TP53BP2: variants seen among roughly 807,000 people sequenced by gnomAD.
TP53BP2 encodes apoptosis-stimulating of p53 protein 2.
In TP53BP2, 62 loss-of-function variants were observed where a neutral mutation model predicts 126.2. That is an observed-to-expected ratio of 0.49 (90% CI 0.40 to 0.61). TP53BP2 has a LOEUF of 0.61. Ranked by LOEUF, TP53BP2 falls within the 20% of genes least tolerant of loss-of-function variation. TP53BP2 has a pLI of 0.00. For synonymous variants in TP53BP2, 485 were observed against 502.9 expected (o/e 0.96, Z 0.48); for missense variants, 1,215 against 1,402.8 (o/e 0.87, Z 2.14).
At chr1:223,820,513 G>A (rs1663262643) in intron 2 of TP53BP2, among the ~76,000 whole-genome samples, 1 of 152,162 alleles carries the variant, frequency 6.6e-6, no homozygotes, top group South Asian at 2.1e-4. Context: ...GTTAACCAAA[G>A]ATGAATAAAA....
chr1:223,811,410 G>A (rs149642698), intron 3 of TP53BP2, among the ~76,000 whole-genome samples: 118 of 152,168 alleles, frequency 7.8e-4, no homozygotes, highest in Middle Eastern at 3.4e-3. Context: ...AAATAAACAT[G>A]TCTACTCAGA....
chr1:223,845,510 C>G, intron 1 of TP53BP2, 144 bp downstream of exon 1: 2 of 953,248 alleles, frequency 2.1e-6, no homozygotes, highest in Non-Finnish European at 2.8e-6. Context: ...CTGAAACCCG[C>G]TCGAAGCTCG....
intron 9 of TP53BP2, among the ~76,000 whole-genome samples, chr1:223,801,167 C>T (rs1662513511): frequency 6.6e-6 from 1 of 152,172 alleles, no homozygotes; most frequent in Non-Finnish European, 1.5e-5. Flanking sequence ...ACATGCACAA[C>T]ACAAAAGTAA....
intron 3 of TP53BP2, among the ~76,000 whole-genome samples, chr1:223,811,791 C>T (rs1320706808): frequency 6.6e-6 from 1 of 152,182 alleles, no homozygotes; most frequent in Non-Finnish European, 1.5e-5. Flanking sequence ...GACTGAAAAA[C>T]AATCCTTGTT....
At position 223,806,955 on chromosome 1, in the gene TP53BP2, T is replaced by G; in HGVS notation, c.373-8A>C. On this transcript the variant is annotated splice_polypyrimidine_tract_variant and splice_region_variant and intron_variant, in intron 4 of 17. Transcript: ENST00000343537. Reference sequence around the variant, plus strand: ...CATCCTAGGACTATTAACCTACAAGTAAAAACACAAATAAACACAATCCCA... The same window carrying G: ...CATCCTAGGACTATTAACCTACAAGGAAAAACACAAATAAACACAATCCCA... The G allele has an allele frequency of 6.3e-7, 1 of 1,599,322 alleles. No individual in the cohort carries two copies.
chr1:223,788,932 C>T (rs1662060402), intron 16 of TP53BP2, 76 bp downstream of exon 16: 2 of 1,484,520 alleles, frequency 1.3e-6, no homozygotes, highest in Non-Finnish European at 1.8e-6. Context: ...AACAAAAATA[C>T]TTATTGAATT....
chr1:223,821,091 T>C (rs1451364915), intron 2 of TP53BP2, 129 bp downstream of exon 2: 2 of 1,194,034 alleles, frequency 1.7e-6, no homozygotes, highest in Non-Finnish European at 2.4e-6. Flanking sequence ...AGGAACACTA[T>C]TTCTGCCGGA....
chr1:223,806,221 GA>G (rs1218627778), intron 5 of TP53BP2, among the ~76,000 whole-genome samples: 17 of 152,276 alleles, frequency 1.1e-4, no homozygotes, highest in African/African-American at 3.4e-4. Flanking sequence ...CTGTGGCCCA[GA>G]GTAGTTCCTA....
At chr1:223,839,462 C>T (rs1028481859) in intron 1 of TP53BP2, among the ~76,000 whole-genome samples, 2 of 152,194 alleles carry the variant, frequency 1.3e-5, no homozygotes, top group African/African-American at 4.8e-5. Flanking sequence ...TGTGGAAGAA[C>T]AGTAAATTGC....
intron 17 of TP53BP2, 88 bp from the exon 18 acceptor site, chr1:223,780,982 G>C: frequency 1.6e-6 from 2 of 1,234,692 alleles, no homozygotes; most frequent in Non-Finnish European, 2.3e-6. Flanking sequence ...TTAGGGGACA[G>C]ATGTCATGGG....
rs1662747223 is a variant in TP53BP2, at chr1:223,807,022, C to T, written c.373-75G>A. The T allele has an allele frequency of 5.2e-6, 6 of 1,153,890 alleles. No homozygotes were observed. In the South Asian group the frequency reaches 8.0e-5, roughly 15 times the overall value. The allele number at this position is 1,153,890 out of a possible 1,614,324, so 71.5% of individuals were successfully genotyped here. A position where few individuals can be genotyped will look rare whatever the true frequency, so the allele number is the denominator to read the frequency against. On this transcript the variant is annotated intron_variant, in intron 4 of 17. Transcript: ENST00000343537. ...CCACAGAGATTCCGCCCTCAAAGGT[C>T]TATGTAAAAGCTTCATATGAACCAA...
At chr1:223,788,905 A>G (rs761912807) in intron 16 of TP53BP2, 103 bp downstream of exon 16, 93 of 1,257,030 alleles carry the variant, frequency 7.4e-5, no homozygotes, top group Non-Finnish European at 1.0e-4. Context: ...ACTATGGATA[A>G]CACAAGATTT....
At chr1:223,789,285 T>A in intron 15 of TP53BP2, 111 bp from the exon 16 acceptor site, 1 of 1,252,968 alleles carries the variant, frequency 8.0e-7, no homozygotes, top group Non-Finnish European at 1.1e-6. Flanking sequence ...AGTTTTCTTC[T>A]GAAAACCTCT....
chr1:223,784,465 G>A (rs1367317286), intron 16 of TP53BP2, 151 bp from the exon 17 acceptor site: 4 of 696,744 alleles, frequency 5.7e-6, no homozygotes, highest in East Asian at 2.7e-5. Context: ...GTCCTGAGGT[G>A]GGGGGTAGCA....
Position 223,793,405 on chromosome 1 carries a change from C to T in TP53BP2, c.2760G>A (p.Glu920=), listed in dbSNP as rs938426809. 2 of 1,598,534 alleles carry T rather than the reference C, an allele frequency of 1.3e-6. No individual in the cohort carries two copies. The highest frequency in any genetic ancestry group is 1.4e-5 in the African/African-American group (1 of 74,002). The change falls in exon 14 of 18, where the codon GAG becomes GAA. Residue 920 remains glutamate (E), a synonymous_variant. Coordinates refer to ENST00000343537, the MANE Select transcript of TP53BP2 (RefSeq NM_001031685.3). ...TCACCCTCATTCCATGAGCGATACG[C>T]TCTGAGCCAGTTTTACGCAAGTTTG... ...KRTNLRKTGS[E]RIAHGMRVKF...
At chr1:223,833,684 C>T (rs1663820736) in intron 1 of TP53BP2, among the ~76,000 whole-genome samples, 1 of 152,182 alleles carries the variant, frequency 6.6e-6, no homozygotes, top group Admixed American at 6.5e-5. Context: ...CAAAGCCAGC[C>T]ATGCCAAAGA....
chr1:223,814,774 CTTTT>C (rs151183729), intron 2 of TP53BP2, among the ~76,000 whole-genome samples: 2 of 148,888 alleles, frequency 1.3e-5, no homozygotes, highest in Admixed American at 6.7e-5. Context: ...ATAGCCTAGT[CTTTT>C]TTTTTTAATT....
intron 6 of TP53BP2, 138 bp downstream of exon 6, chr1:223,804,036 C>T: frequency 1.2e-6 from 1 of 833,408 alleles, no homozygotes. Context: ...GTAACCCCAG[C>T]TACTCAGGAG....
rs771460677 is a variant in TP53BP2, at chr1:223,796,589, T to C, written c.1950A>G (p.Val650=). ...THTRGPHFSS[V]YGKPVIAAAQ... ...CAGCAGCAATTACAGGCTTACCATA[T>C]ACTAATTGGAAAAGGAAAAAAAAAA... The change falls in exon 13 of 18, where the codon GTA becomes GTG. Residue 650 remains valine (V), a splice_region_variant and synonymous_variant. Coordinates refer to ENST00000343537, the MANE Select transcript of TP53BP2 (RefSeq NM_001031685.3). This position sits in a 1 kb window ranked among gnomAD's most constrained non-coding sequence, Gnocchi z 4.2. 2.6e-6 allele frequency: 4 copies of C among 1,554,488 alleles called. No homozygotes were observed. The South Asian group carries it at 4.8e-5, about 19-fold the overall frequency.
Sources: allele counts gnomAD v4.1 joint callset (sites outside exome capture counted in the v4.1 genomes callset), GRCh38; gene constraint gnomAD v4.1.1; non-coding constraint Gnocchi (gnomAD v3.1); transcripts MANE v1.5; gene names NCBI Gene and HGNC (gene_info 2026-07-23, HGNC 2026-07-21).